Variants in FRAS1 observed in about 807,000 individuals in gnomAD.
The protein encoded by FRAS1 is extracellular matrix organizing protein FRAS1.
In FRAS1, 290 loss-of-function variants were observed where a neutral mutation model predicts 435.2. The ratio of observed to expected loss-of-function variants is 0.67; its 90% CI spans 0.61 to 0.73. FRAS1 has a LOEUF of 0.73. Ranked by LOEUF, FRAS1 falls within the 30% of genes least tolerant of loss-of-function variation. The probability of loss-of-function intolerance (pLI) is 0.00; values close to 1 mark genes in which losing one functional copy is unlikely to be tolerated. For synonymous variants in FRAS1, 1,800 were observed against 1,851.0 expected, an observed-to-expected ratio of 0.97 and a Z score of 0.71; for missense variants, 4,860 against 5,001.5, an observed-to-expected ratio of 0.97 and a Z score of 0.85.
At chr4:78,523,704 CT>C (rs954193569) in intron 69 of FRAS1, among the ~76,000 whole-genome samples, 2 of 152,038 alleles carry the variant, frequency 1.3e-5, no homozygotes, top group Admixed American at 1.3e-4. Context: ...ATAGTGATTC[CT>C]TTGAAATTGA....
chr4:78,171,737 G>A (rs1471700712), intron 2 of FRAS1, among the ~76,000 whole-genome samples: 1 of 152,110 alleles, frequency 6.6e-6, no homozygotes, highest in Non-Finnish European at 1.5e-5. Flanking sequence ...CTCTCCTGCT[G>A]CTGGCTGTGC....
intron 2 of FRAS1, among the ~76,000 whole-genome samples, chr4:78,221,247 A>G (rs2110096559): frequency 6.6e-6 from 1 of 152,346 alleles, no homozygotes; most frequent in African/African-American, 2.4e-5. Flanking sequence ...AAGGCTAAAT[A>G]TATCAAATTT....
intron 34 of FRAS1, 137 bp downstream of exon 34, chr4:78,422,137 C>A: frequency 1.2e-6 from 1 of 823,114 alleles, no homozygotes; most frequent in Non-Finnish European, 1.8e-6. Flanking sequence ...AGCTTGAGAC[C>A]TGTCAGCCAA....
chr4:78,422,648 C>T (rs1280766053), intron 34 of FRAS1, among the ~76,000 whole-genome samples: 3 of 152,164 alleles, frequency 2.0e-5, no homozygotes, highest in Non-Finnish European at 2.9e-5. Flanking sequence ...GTGGGAGAGA[C>T]AGAGGCCATA....
chr4:78,221,580 A>G (rs1724051329), intron 2 of FRAS1, among the ~76,000 whole-genome samples: 2 of 152,160 alleles, frequency 1.3e-5, no homozygotes, highest in Non-Finnish European at 2.9e-5. Flanking sequence ...AAATACTGTT[A>G]TTTTCTACAA....
intron 2 of FRAS1, among the ~76,000 whole-genome samples, chr4:78,122,091 T>C (rs913379551): frequency 6.6e-6 from 1 of 152,174 alleles, no homozygotes; most frequent in African/African-American, 2.4e-5. Context: ...ACCAGTCACC[T>C]GCATTAGGTA....
At chr4:78,481,072 C>T (rs1308119405) in intron 56 of FRAS1, among the ~76,000 whole-genome samples, 1 of 152,232 alleles carries the variant, frequency 6.6e-6, no homozygotes, top group Non-Finnish European at 1.5e-5. Flanking sequence ...TTTTCCCATA[C>T]AGCAAATGCC....
intron 73 of FRAS1, 25 bp from the exon 74 acceptor site, chr4:78,540,506 A>G (rs954949491): frequency 6.9e-7 from 1 of 1,451,108 alleles, no homozygotes; most frequent in African/African-American, 1.4e-5. Context: ...GGCAACAACA[A>G]CATGTTCGGT....
intron 2 of FRAS1, among the ~76,000 whole-genome samples, chr4:78,163,416 T>G (rs1721217325): frequency 6.6e-6 from 1 of 152,168 alleles, no homozygotes; most frequent in South Asian, 2.1e-4. Flanking sequence ...GGTCAAAGAT[T>G]TCACATATTC....
chr4:78,161,237 T>A (rs1480174507), intron 2 of FRAS1, among the ~76,000 whole-genome samples: 1 of 152,196 alleles, frequency 6.6e-6, no homozygotes. Context: ...TTAATGAGAA[T>A]TTATATTTTT....
intron 12 of FRAS1, among the ~76,000 whole-genome samples, chr4:78,283,229 C>A (rs900557796): frequency 6.6e-6 from 1 of 152,120 alleles, no homozygotes. Flanking sequence ...ATAAAATATG[C>A]CTTATGTATC....
At chr4:78,489,192 G>T in intron 59 of FRAS1, 112 bp downstream of exon 59, 1 of 987,528 alleles carries the variant, frequency 1.0e-6, no homozygotes, top group Non-Finnish European at 1.5e-6. Context: ...TATACTACAG[G>T]TGACCCTTGA....
intron 12 of FRAS1, among the ~76,000 whole-genome samples, chr4:78,284,017 T>C (rs1380145369): frequency 6.6e-6 from 1 of 152,162 alleles, no homozygotes; most frequent in Non-Finnish European, 1.5e-5. Context: ...ATGTCTGAAC[T>C]GTTTGTACAT....
chr4:78,524,572 G>A (rs1190988391), intron 69 of FRAS1, among the ~76,000 whole-genome samples: 2 of 152,218 alleles, frequency 1.3e-5, no homozygotes, highest in African/African-American at 4.8e-5. Flanking sequence ...AAGGGATCAT[G>A]AGGAAATGGA....
intron 31 of FRAS1, 121 bp from the exon 32 acceptor site, chr4:78,412,848 G>A (rs1291684136): frequency 6.4e-6 from 3 of 465,842 alleles, no homozygotes; most frequent in Non-Finnish European, 1.2e-5. Context: ...CAGAATGAGA[G>A]TTGTAACGCA....
At chr4:78,447,931 G>A in intron 43 of FRAS1, 122 bp from the exon 44 acceptor site, 1 of 833,898 alleles carries the variant, frequency 1.2e-6, no homozygotes, top group South Asian at 2.1e-5. Context: ...GGCACCAAGA[G>A]CCTCTGAGGC....
chr4:78,445,321 A>G (rs1465729626), intron 41 of FRAS1, among the ~76,000 whole-genome samples: 2 of 152,210 alleles, frequency 1.3e-5, no homozygotes, highest in African/African-American at 4.8e-5. Flanking sequence ...ATATCCATTT[A>G]TAGATGAGAA....
At chr4:78,318,549 T>G (rs1729367139) in intron 17 of FRAS1, among the ~76,000 whole-genome samples, 1 of 152,248 alleles carries the variant, frequency 6.6e-6, no homozygotes, top group Admixed American at 6.5e-5. Context: ...TTGCTGTTTT[T>G]GCTCATTTGT....
Position 78,308,193 on chromosome 4 carries a change from G to T in FRAS1, c.1662G>T (p.Arg554Ser). 6.2e-7 allele frequency: 1 copy of T among 1,613,922 alleles called. No individual in the cohort carries two copies. The highest frequency in any genetic ancestry group is 8.5e-7 in the Non-Finnish European group (1 of 1,179,864). The change falls in exon 15 of 74, where the codon AGG becomes AGT. Residue 554 changes from arginine (R) to serine (S), a missense_variant. By Grantham distance (110) the Arg-to-Ser change is moderately radical. Transcript: ENST00000512123. ...ESSCGKGFYN[R>S]QGTCSACDQS... ...GCTGTGGAAAAGGCTTCTACAACAG[G>T]CAGGGCACCTGTAGCGGTGAGTGCT...
Sources: gnomAD v4.1 joint callset for allele counts (sites outside exome capture counted in the v4.1 genomes callset) on GRCh38, gnomAD v4.1.1 for gene constraint, MANE v1.5 for transcripts, NCBI Gene and HGNC (gene_info 2026-07-23, HGNC 2026-07-21) for gene names.